ACKR2: variants seen among roughly 807,000 people sequenced by gnomAD.
ACKR2 encodes the protein C-C chemokine receptor D6.
For missense variants in ACKR2, 457 were observed against 477.3 expected, an observed-to-expected ratio of 0.96 and a Z score of 0.40; for synonymous variants, 207 against 192.2, an observed-to-expected ratio of 1.08 and a Z score of -0.64.
At chr3:42,850,717 G>A (rs1200168205) in intron 2 of ACKR2, among the ~76,000 whole-genome samples, 1 of 152,188 alleles carries the variant, frequency 6.6e-6, no homozygotes, top group Non-Finnish European at 1.5e-5. Context: ...GCTCTTGCCT[G>A]TCCCTGGGCT....
At position 42,810,614 on chromosome 3, in the gene ACKR2, C is replaced by G. The variant is rs546088626; in HGVS notation, c.-119+1082C>G. On this transcript the variant is annotated intron_variant, in intron 1 of 2. Transcript: ENST00000422265. The stretch of plus-strand genomic sequence containing the variant: ...CATGCTCACCCTATCTAAAAAAAAT[C>G]GAATGTTTAGCCAACCAAAATTAGT... Among the ~76,000 whole-genome samples, 3 of 152,228 alleles carry G rather than the reference C, an allele frequency of 2.0e-5. No homozygotes were observed. The East Asian group carries it at 5.8e-4, about 29-fold the overall frequency.
intron 1 of ACKR2, among the ~76,000 whole-genome samples, chr3:42,815,185 T>C (rs1700737207): frequency 1.3e-5 from 2 of 152,116 alleles, no homozygotes; most frequent in Non-Finnish European, 2.9e-5. Flanking sequence ...TTATTGGAAG[T>C]GAAATAGAAT....
At chr3:42,864,016 A>AAT (rs2088408370) in intron 2 of ACKR2, among the ~76,000 whole-genome samples, 2 of 152,236 alleles carry the variant, frequency 1.3e-5, no homozygotes, top group African/African-American at 4.8e-5. Flanking sequence ...AATAAACAAA[A>AAT]TTTTTTAAAA....
chr3:42,849,038 A>G (rs755380239), intron 2 of ACKR2, among the ~76,000 whole-genome samples: 1 of 152,248 alleles, frequency 6.6e-6, no homozygotes, highest in Non-Finnish European at 1.5e-5. Flanking sequence ...CAAAGGAGAC[A>G]TAAGAACCAA....
intron 2 of ACKR2, among the ~76,000 whole-genome samples, chr3:42,837,089 G>T (rs1700993222): frequency 6.6e-6 from 1 of 152,134 alleles, no homozygotes. Flanking sequence ...TGGAAACATG[G>T]CTCTATCCAA....
At chr3:42,824,786 T>C (rs1700845328) in intron 2 of ACKR2, among the ~76,000 whole-genome samples, 1 of 152,240 alleles carries the variant, frequency 6.6e-6, no homozygotes, top group Non-Finnish European at 1.5e-5. Flanking sequence ...CCATCATGAA[T>C]AATGTTGGGA....
intron 2 of ACKR2, chr3:42,841,427 C>A (rs1201152337): frequency 6.6e-6 from 1 of 152,164 alleles, no homozygotes; most frequent in Admixed American, 6.5e-5. Flanking sequence ...CATGTAAGCT[C>A]AGATCTCTTG....
intron 1 of ACKR2, among the ~76,000 whole-genome samples, chr3:42,810,973 G>A (rs1033637689): frequency 3.9e-5 from 6 of 152,178 alleles, no homozygotes; most frequent in African/African-American, 1.4e-4. Flanking sequence ...CGATTCTCAT[G>A]TGAGTAGCCG....
Position 42,845,876 on chromosome 3 carries a change from AAAAAGAAAAC to A in ACKR2, c.-37-18580_-37-18571del, listed in dbSNP as rs374727749. Among the ~76,000 whole-genome samples the A allele has an allele frequency of 2.2e-3, 332 of 151,958 alleles. 2 individuals are homozygous for A. The highest frequency in any genetic ancestry group is 6.9e-3 in the African/African-American group (287 of 41,450). The stretch of plus-strand genomic sequence containing the variant: ...AAAAAAAAAAAAAAAGAAAAAAGAA[AAAAAGAAAAC>A]AAAAGAAAAGAGAAAAACAACATCA... On this transcript the variant is annotated intron_variant, in intron 2 of 2. Coordinates refer to ENST00000422265, the MANE Select transcript of ACKR2 (RefSeq NM_001296.5).
At chr3:42,821,131 G>A (rs974932133) in intron 2 of ACKR2, among the ~76,000 whole-genome samples, 9 of 152,064 alleles carry the variant, frequency 5.9e-5, no homozygotes, top group African/African-American at 1.4e-4. Flanking sequence ...TGATCCACCC[G>A]CCTCGGCACC....
chr3:42,849,780 G>T (rs1022359105), intron 2 of ACKR2, among the ~76,000 whole-genome samples: 2 of 152,180 alleles, frequency 1.3e-5, no homozygotes, highest in African/African-American at 4.8e-5. Flanking sequence ...ATAGGTTATA[G>T]CCTGTTTATA....
intron 2 of ACKR2, among the ~76,000 whole-genome samples, chr3:42,845,676 C>T (rs1701085766): frequency 6.6e-6 from 1 of 151,726 alleles, no homozygotes; most frequent in African/African-American, 2.4e-5. Context: ...AAACCCTGGC[C>T]CCACCCTTAA....
rs376833790 is a variant in ACKR2, at chr3:42,860,189, A to AAAAAAAAAAAAAAAAAC, written c.-37-4277_-37-4276insAAAAAAAAAAAAAAAAC. On this transcript the variant is annotated intron_variant, in intron 2 of 2. Coordinates refer to ENST00000422265, the MANE Select transcript of ACKR2 (RefSeq NM_001296.5). The stretch of plus-strand genomic sequence containing the variant: ...CAAAAAAAAAAAAAAAAAAAAAAAA[A>AAAAAAAAAAAAAAAAAC]GCAGGGGATGCAATCCTAGTCTCTG... Among the ~76,000 whole-genome samples the AAAAAAAAAAAAAAAAAC allele has an allele frequency of 1.1e-3, 125 of 111,628 alleles. 27 individuals carry two copies. Among genetic ancestry groups the AAAAAAAAAAAAAAAAAC allele is most frequent in the East Asian group, 4.1e-3 (11 of 2,678 alleles). The allele number at this position is 111,628 out of a possible 152,430, so 73.2% of individuals were successfully genotyped here.
At chr3:42,810,236 T>G (rs1163902982) in intron 1 of ACKR2, among the ~76,000 whole-genome samples, 1 of 152,210 alleles carries the variant, frequency 6.6e-6, no homozygotes, top group Non-Finnish European at 1.5e-5. Context: ...TCTTTCAATC[T>G]GTTGGTAATG....
chr3:42,854,500 G>A (rs1247570388), intron 2 of ACKR2, among the ~76,000 whole-genome samples: 3 of 152,100 alleles, frequency 2.0e-5, no homozygotes, highest in South Asian at 2.1e-4. Flanking sequence ...GGGGGGGAAG[G>A]GGTCGTCACT....
At chr3:42,842,041 A>G (rs1701044169) in intron 2 of ACKR2, among the ~76,000 whole-genome samples, 1 of 152,166 alleles carries the variant, frequency 6.6e-6, no homozygotes, top group African/African-American at 2.4e-5. Context: ...CTACCGCTTC[A>G]TAGGGTTGGT....
intron 2 of ACKR2, among the ~76,000 whole-genome samples, chr3:42,850,088 T>C (rs1701136937): frequency 6.6e-6 from 1 of 152,042 alleles, no homozygotes; most frequent in Non-Finnish European, 1.5e-5. Flanking sequence ...GTCCTAGAAC[T>C]TAGCTGTTCT....
Position 42,864,841 on chromosome 3 carries a change from G to A in ACKR2, c.339G>A (p.Gly113=). 1 of 1,614,178 alleles carries A rather than the reference G, an allele frequency of 6.2e-7. No individual in the cohort carries two copies. Among genetic ancestry groups the A allele is most frequent in the Non-Finnish European group, 8.5e-7 (1 of 1,180,040 alleles). ...GISVAWHWVF[G]SFLCKMVSTL... is the part of the protein sequence containing the mutation. ...CCGTGGCCTGGCATTGGGTCTTCGG[G>A]AGTTTCTTGTGCAAGATGGTGAGCA... is the stretch of plus-strand genomic sequence containing the variant. The change falls in exon 3 of 3, where the codon GGG becomes GGA. Residue 113 remains glycine, a synonymous_variant. Transcript: ENST00000422265.
intron 2 of ACKR2, among the ~76,000 whole-genome samples, chr3:42,844,851 G>A (rs76846126): frequency 6.6e-6 from 1 of 152,188 alleles, no homozygotes; most frequent in Non-Finnish European, 1.5e-5. Flanking sequence ...ACTGGTTACT[G>A]CCCAGGTGCA....
Sources: gnomAD v4.1 joint callset for allele counts (sites outside exome capture counted in the v4.1 genomes callset) on GRCh38, gnomAD v4.1.1 for gene constraint, MANE v1.5 for transcripts, NCBI Gene and HGNC (gene_info 2026-07-23, HGNC 2026-07-21) for gene names.